The following NDUFS2 variants were observed in gnomAD, a reference collection of about 807,000 sequenced individuals.
The protein encoded by NDUFS2 is NADH:ubiquinone oxidoreductase core subunit S2.
A neutral mutation model predicts 69.6 loss-of-function variants in NDUFS2; 38 were observed. That is an observed-to-expected ratio of 0.55 (90% CI 0.42 to 0.72). NDUFS2 has a LOEUF of 0.72. Among genes scored for constraint, NDUFS2 ranks in the 30% least tolerant of loss-of-function variants. NDUFS2 has a pLI of 0.00. For synonymous variants in NDUFS2, 194 were observed against 211.2 expected (o/e 0.92, Z 0.70); for missense variants, 468 against 595.0 (o/e 0.79, Z 2.22).
chr1:161,201,401 G>A (rs1262285118), upstream of NDUFS2, among the ~76,000 whole-genome samples: 1 of 152,228 alleles, frequency 6.6e-6, no homozygotes, highest in African/African-American at 2.4e-5. Context: ...GCTCAGAGTT[G>A]GAGAGTTGTA....
chr1:161,213,766 G>T (rs1214878020), intron 12 of NDUFS2, 34 bp downstream of exon 12: 1 of 1,613,140 alleles, frequency 6.2e-7, no homozygotes, highest in African/African-American at 1.3e-5. Flanking sequence ...TAACTCCAAT[G>T]AATTAAACCT....
In NDUFS2 at chr1:161,213,660, G is replaced by T. The variant is rs376693675; in HGVS notation, c.1224G>T (p.Gly408=). ...TCTTCCTTGAACAGGGAGAGTTTGG[G>T]GTGTACCTGGTGTCTGATGGCAGCA... The part of the protein sequence containing the change: ...TAIEAPKGEF[G]VYLVSDGSSR... Residue 408 remains glycine, a synonymous_variant, in exon 12 of 14, where the codon GGG becomes GGT. Transcript: ENST00000676972. 1 of 1,614,144 alleles carries T rather than the reference G, an allele frequency of 6.2e-7. No individual in the cohort carries two copies. Among genetic ancestry groups the T allele is most frequent in the Non-Finnish European group, 8.5e-7 (1 of 1,180,014 alleles).
chr1:161,213,798 G>T (rs1665902673), intron 12 of NDUFS2, 66 bp downstream of exon 12: 1 of 1,611,794 alleles, frequency 6.2e-7, no homozygotes, highest in Non-Finnish European at 8.5e-7. Flanking sequence ...AGGTTTTTAT[G>T]AACTCTTCTT....
chr1:161,214,079 C>T, intron 13 of NDUFS2, 77 bp from the exon 14 acceptor site: 1 of 1,613,616 alleles, frequency 6.2e-7, no homozygotes. Context: ...TCTTGGGTAA[C>T]ACCACTTTTT....
chr1:161,204,238 T>G (rs1318420501), intron 2 of NDUFS2, among the ~76,000 whole-genome samples: 2 of 152,216 alleles, frequency 1.3e-5, no homozygotes, highest in Non-Finnish European at 2.9e-5. Flanking sequence ...TTTTTTCCTA[T>G]CAAAACTAGC....
At chr1:161,203,951 G>A (rs1665318609) in intron 2 of NDUFS2, 1 of 283,598 alleles carries the variant, frequency 3.5e-6, no homozygotes, top group Non-Finnish European at 7.0e-6. Context: ...GCAAATTTTA[G>A]CCCCTATCCT....
Position 161,209,953 on chromosome 1 carries a change from C to T in NDUFS2, c.702+22C>T, listed in dbSNP as rs201385661. The stretch of plus-strand genomic sequence containing the variant: ...CCAGGTGAGCAGGTCCCCGGCTTCC[C>T]CAAATGTCCAGCCCAGGCCTATTTT... On this transcript the variant is annotated intron_variant, in intron 6 of 13. Transcript: ENST00000676972. The T allele has an allele frequency of 2.5e-6, 4 of 1,613,386 alleles. No individual in the cohort carries two copies. The African/African-American group carries it at 5.3e-5, about 22-fold the overall frequency.
In NDUFS2 at chr1:161,214,255, C is replaced by A. The variant is rs1426344886; in HGVS notation, c.*62C>A. 1 of 1,492,290 alleles carries A rather than the reference C, an allele frequency of 6.7e-7. No homozygotes were observed. The highest frequency in any genetic ancestry group is 9.3e-7 in the Non-Finnish European group (1 of 1,076,126). 92.4% of individuals were successfully genotyped at this position (1,492,290 alleles called of 1,614,324 possible). A position where few individuals can be genotyped will look rare whatever the true frequency, so the allele number is the denominator to read the frequency against. ...CTTCTTCTGTGGAGCCTGTTCCTCA[C>A]TGGAAATTGGCCTCTGTGTGTGTGT... is the stretch of plus-strand genomic sequence containing the variant. On this transcript the variant is annotated 3_prime_UTR_variant, in exon 14 of 14. Transcript: ENST00000676972.
chr1:161,204,497 C>A (rs1665347073), intron 2 of NDUFS2, among the ~76,000 whole-genome samples: 2 of 152,152 alleles, frequency 1.3e-5, no homozygotes, highest in South Asian at 2.1e-4. Context: ...AGTCTATTCA[C>A]TGAGTTTTTG....
chr1:161,209,786 T>A, intron 5 of NDUFS2, 71 bp from the exon 6 acceptor site: 1 of 1,528,540 alleles, frequency 6.5e-7, no homozygotes, highest in South Asian at 1.2e-5. Flanking sequence ...AGGCAGAAAG[T>A]GGGGGAGTAG....
chr1:161,200,175 A>C (rs915877965), upstream of NDUFS2, among the ~76,000 whole-genome samples: 4 of 151,936 alleles, frequency 2.6e-5, no homozygotes, highest in African/African-American at 9.7e-5. Context: ...GGGCAGGGAG[A>C]GGGTGGAGAC....
At chr1:161,206,657 T>A in intron 3 of NDUFS2, 60 bp downstream of exon 3, 2 of 1,567,614 alleles carry the variant, frequency 1.3e-6, no homozygotes, top group Non-Finnish European at 1.7e-6. Context: ...CCTGGGGCTT[T>A]GCCAGTTTGC....
intron 10 of NDUFS2, 121 bp from the exon 11 acceptor site, chr1:161,213,259 C>T: frequency 4.2e-6 from 3 of 712,600 alleles, no homozygotes; most frequent in Non-Finnish European, 2.5e-6. Context: ...ATCCTCTCTG[C>T]TTACTGACTG....
chr1:161,198,004 T>C, upstream of NDUFS2: 1 of 1,559,418 alleles, frequency 6.4e-7, no homozygotes, highest in Non-Finnish European at 8.7e-7. The surrounding 1 kb of genome is among the most constrained non-coding windows in gnomAD (Gnocchi z 4.7). Context: ...CCTTGGCTCT[T>C]CGGGGTCTGG....
Position 161,206,708 on chromosome 1 carries a change from A to G in NDUFS2, c.393+111A>G, listed in dbSNP as rs907732424. 5.2e-6 allele frequency: 6 copies of G among 1,164,770 alleles called. No homozygotes were observed. The African/African-American group carries it at 6.1e-5, about 12-fold the overall frequency. The allele number at this position is 1,164,770 out of a possible 1,614,324, so 72.2% of individuals were successfully genotyped here. A position where few individuals can be genotyped will look rare whatever the true frequency, so the allele number is the denominator to read the frequency against. On this transcript the variant is annotated intron_variant, in intron 3 of 13. Transcript: ENST00000676972. ...AGGGGAGGAAGGTGTTGAGAGGAGTAACCCGTTGAGATTACTCTTGGTTGG... is the reference window on the plus strand; with the variant it reads ...AGGGGAGGAAGGTGTTGAGAGGAGTGACCCGTTGAGATTACTCTTGGTTGG...
chr1:161,213,987 G>A (rs997875543), intron 13 of NDUFS2, 66 bp downstream of exon 13: 1 of 1,613,946 alleles, frequency 6.2e-7, no homozygotes, highest in Non-Finnish European at 8.5e-7. Flanking sequence ...ACTGGGGACA[G>A]AAGGAGAACA....
chr1:161,211,302 G>A (rs1159146348), intron 9 of NDUFS2, among the ~76,000 whole-genome samples: 2 of 152,324 alleles, frequency 1.3e-5, no homozygotes, highest in South Asian at 2.1e-4. Flanking sequence ...AGGAGTGGTC[G>A]AGACTAGAAT....
chr1:161,202,400 G>C lies in NDUFS2; in HGVS notation c.15G>C (p.Arg5Ser). Residue 5 changes from arginine (R) to serine (S), a missense_variant, in exon 1 of 14, where the codon AGG (arginine) becomes AGC (serine). This residue lies in a region of NDUFS2 where 57 missense variants were observed against 42.3 expected (regional missense o/e 1.35). Coordinates refer to ENST00000676972, the MANE Select transcript of NDUFS2 (RefSeq NM_001377299.1). The stretch of plus-strand genomic sequence containing the variant: ...GCCGGAGTAAGATGGCGGCGCTGAG[G>C]GCTTTGTGCGGCTTCCGGGGCGTCG... MAAL[R>S]ALCGFRGVAA... 2 of 1,612,388 alleles carry C rather than the reference G, an allele frequency of 1.2e-6. No individual in the cohort carries two copies. The highest frequency in any genetic ancestry group is 8.5e-7 in the Non-Finnish European group (1 of 1,179,532).
chr1:161,213,814 T>C, intron 12 of NDUFS2, 50 bp from the exon 13 acceptor site: 5 of 1,612,346 alleles, frequency 3.1e-6, no homozygotes, highest in African/African-American at 1.3e-5. Context: ...TTCTTTCTCC[T>C]CCCACCTTGC....
Sources: gnomAD v4.1 joint callset for allele counts (sites outside exome capture counted in the v4.1 genomes callset) on GRCh38, gnomAD v4.1.1 for gene constraint, gnomAD v4.1.1 regional missense constraint, Gnocchi (gnomAD v3.1) non-coding constraint, MANE v1.5 for transcripts, NCBI Gene and HGNC (gene_info 2026-07-23, HGNC 2026-07-21) for gene names.